CHCHD6: variants seen among roughly 807,000 people sequenced by gnomAD.
CHCHD6 encodes MICOS complex subunit MIC25.
Under a neutral mutation model 32.3 loss-of-function variants are expected in CHCHD6, and 28 were observed. The observed-to-expected ratio is 0.87, with a 90% CI of 0.64 to 1.19. The LOEUF is 1.19. Among genes scored for constraint, CHCHD6 ranks in the 50% most tolerant of loss-of-function variants. The pLI is 0.00. For synonymous variants in CHCHD6, 122 were observed against 117.5 expected, an observed-to-expected ratio of 1.04 and a Z score of -0.25; for missense variants, 333 against 307.0, an observed-to-expected ratio of 1.08 and a Z score of -0.63.
chr3:126,952,639 A>G (rs2078731041), intron 6 of CHCHD6, among the ~76,000 whole-genome samples: 1 of 152,186 alleles, frequency 6.6e-6, no homozygotes, highest in Non-Finnish European at 1.5e-5. Context: ...GCACCTCTCT[A>G]AGCAAGGAGA....
intron 5 of CHCHD6, among the ~76,000 whole-genome samples, chr3:126,890,861 C>T (rs1183204641): frequency 3.9e-5 from 6 of 152,180 alleles, no homozygotes; most frequent in Admixed American, 3.9e-4. Context: ...CACAGTGTCT[C>T]ACTTTGGCTG....
At position 126,957,428 on chromosome 3, in the gene CHCHD6, G is replaced by A. The variant is rs75184196; in HGVS notation, c.579G>A (p.Val193=). The part of the protein sequence containing the change: ...KMESTIKPRR[V]EPVCSGLQAQ... The stretch of plus-strand genomic sequence containing the variant: ...TTGTCTTCTGCAGGCCCCGCAGGGT[G>A]GAGCCCGTCTGCTCAGGGTTGCAGG... Residue 193 remains valine, a synonymous_variant, in exon 7 of 8, where the codon GTG becomes GTA. Coordinates refer to ENST00000290913, the MANE Select transcript of CHCHD6 (RefSeq NM_032343.3). 4.3e-3 allele frequency: 6,865 copies of A among 1,611,352 alleles called. 264 individuals carry two copies. The African/African-American group carries it at 0.079, about 18-fold the overall frequency.
At chr3:126,846,564 A>G (rs1019828855) in intron 4 of CHCHD6, among the ~76,000 whole-genome samples, 1 of 152,242 alleles carries the variant, frequency 6.6e-6, no homozygotes, top group Non-Finnish European at 1.5e-5. Flanking sequence ...GCAAGAGAGA[A>G]GTGACTCATC....
In CHCHD6 at chr3:126,854,185, T is replaced by A. The variant is rs146262630; in HGVS notation, c.495+1455T>A. On this transcript the variant is annotated intron_variant, in intron 5 of 7. Coordinates refer to ENST00000290913, the MANE Select transcript of CHCHD6 (RefSeq NM_032343.3). ...TAAAGGAGAGGAAATTCTGGATGAG[T>A]CTTCTTGCTCTTCATTAAGTGAAGT... 6.3e-3 allele frequency among the ~76,000 whole-genome samples: 955 copies of A among 152,244 alleles called. 31 individuals carry two copies. Among genetic ancestry groups the A allele is most frequent in the Admixed American group, 0.049 (753 of 15,290 alleles).
At chr3:126,908,667 C>T (rs976769140) in intron 5 of CHCHD6, among the ~76,000 whole-genome samples, 5 of 152,140 alleles carry the variant, frequency 3.3e-5, no homozygotes, top group African/African-American at 9.7e-5. Flanking sequence ...CTGACACTTC[C>T]GATACTCTCG....
intron 4 of CHCHD6, among the ~76,000 whole-genome samples, chr3:126,818,608 T>G (rs1476875178): frequency 6.6e-6 from 1 of 152,222 alleles, no homozygotes; most frequent in Non-Finnish European, 1.5e-5. Context: ...ATTTCTCCAG[T>G]TAAGAAGATG....
At chr3:126,865,755 T>C in intron 5 of CHCHD6, 1 of 981,952 alleles carries the variant, frequency 1.0e-6, no homozygotes, top group Non-Finnish European at 1.2e-6. Context: ...TTGCTAAAGA[T>C]GTGTTTCTTT....
chr3:126,793,517 A>G (rs753040903), intron 4 of CHCHD6, among the ~76,000 whole-genome samples: 4 of 152,248 alleles, frequency 2.6e-5, no homozygotes, highest in Admixed American at 6.5e-5. Context: ...CCCTCCCCCC[A>G]TAATGATATG....
intron 4 of CHCHD6, among the ~76,000 whole-genome samples, chr3:126,753,696 G>A (rs778662557): frequency 6.6e-4 from 100 of 152,248 alleles, no homozygotes; most frequent in Admixed American, 1.2e-3. Context: ...CCAGAGTTTC[G>A]TGGGCTGCCT....
intron 7 of CHCHD6, among the ~76,000 whole-genome samples, chr3:126,958,254 A>G (rs2078815060): frequency 6.6e-6 from 1 of 151,178 alleles, no homozygotes; most frequent in South Asian, 2.1e-4. Context: ...TCCCAGCCAT[A>G]CCTCACCCTT....
intron 6 of CHCHD6, among the ~76,000 whole-genome samples, chr3:126,937,029 T>C (rs2078490159): frequency 1.3e-5 from 2 of 152,238 alleles, no homozygotes; most frequent in Admixed American, 1.3e-4. Context: ...TTTGTGTCCC[T>C]GAGGAATTTG....
chr3:126,834,757 T>A (rs1940785745), intron 4 of CHCHD6, among the ~76,000 whole-genome samples: 1 of 152,180 alleles, frequency 6.6e-6, no homozygotes, highest in Non-Finnish European at 1.5e-5. Flanking sequence ...ATAGGACAGC[T>A]TCCTACTTGG....
chr3:126,852,809 G>A (rs1485025319), intron 5 of CHCHD6, 79 bp downstream of exon 5: 2 of 978,014 alleles, frequency 2.0e-6, no homozygotes, highest in East Asian at 2.5e-5. Context: ...GTCATGGGGG[G>A]AGAGAGGAGT....
intron 4 of CHCHD6, among the ~76,000 whole-genome samples, chr3:126,816,487 C>G (rs1409877683): frequency 1.3e-5 from 2 of 152,158 alleles, no homozygotes; most frequent in Non-Finnish European, 2.9e-5. Flanking sequence ...CTGTCATTGC[C>G]AGGAAAGCGT....
intron 4 of CHCHD6, among the ~76,000 whole-genome samples, chr3:126,812,585 C>T (rs1939709984): frequency 6.6e-6 from 1 of 151,628 alleles, no homozygotes; most frequent in East Asian, 1.9e-4. Flanking sequence ...CCACCATACC[C>T]AGCTAATTTT....
At chr3:126,731,048 C>T (rs1935775652) in intron 3 of CHCHD6, among the ~76,000 whole-genome samples, 1 of 136,090 alleles carries the variant, frequency 7.3e-6, no homozygotes. Context: ...GCTGAGGCTG[C>T]AGGGAGCTGT....
intron 5 of CHCHD6, among the ~76,000 whole-genome samples, chr3:126,855,135 G>A (rs1559882805): frequency 6.6e-6 from 1 of 152,230 alleles, no homozygotes; most frequent in Non-Finnish European, 1.5e-5. Context: ...AGATCTGAGT[G>A]AGGAATATTG....
At chr3:126,937,870 G>C (rs1024460992) in intron 6 of CHCHD6, among the ~76,000 whole-genome samples, 1 of 152,118 alleles carries the variant, frequency 6.6e-6, no homozygotes, top group Non-Finnish European at 1.5e-5. Context: ...GGTTACTTCT[G>C]GGGGAGCGGG....
chr3:126,722,018 C>T (rs979404234), intron 1 of CHCHD6, among the ~76,000 whole-genome samples: 1 of 152,138 alleles, frequency 6.6e-6, no homozygotes, highest in African/African-American at 2.4e-5. Flanking sequence ...GGGTCCTTTC[C>T]ATTTTTTGGC....
Sources: gnomAD v4.1 joint callset for allele counts (sites outside exome capture counted in the v4.1 genomes callset) on GRCh38, gnomAD v4.1.1 for gene constraint, MANE v1.5 for transcripts, NCBI Gene and HGNC (gene_info 2026-07-23, HGNC 2026-07-21) for gene names.